The following KMT2A variants were observed in gnomAD, a reference collection of about 807,000 sequenced individuals.
The protein encoded by KMT2A is histone-lysine N-methyltransferase 2A.
Under a neutral mutation model 345.3 loss-of-function variants are expected in KMT2A, and 16 were observed. The ratio of observed to expected loss-of-function variants is 0.05; its 90% CI spans 0.03 to 0.07. The LOEUF (loss-of-function observed/expected upper bound fraction) is 0.07, where lower values mean the gene tolerates loss of function less well. Ranked by LOEUF, KMT2A falls within the 10% of genes least tolerant of loss-of-function variation. The pLI is 1.00. For synonymous variants in KMT2A, 1,599 were observed against 1,778.6 expected (o/e 0.90, Z 2.54); for missense variants, 3,272 against 4,841.6 (o/e 0.68, Z 9.62).
rs1188821663 is a variant in KMT2A, at chr11:118,524,943, C to G, written c.*2771C>G. On this transcript the variant is annotated 3_prime_UTR_variant, in exon 36 of 36. Transcript: ENST00000534358. ...ACCCACAGCTTCCTTCTCCTGCCAG[C>G]TGCAGATGGTTTGCCTTGCCTTTCC... 4.9e-6 allele frequency: 1 copy of G among 205,464 alleles called. No individual in the cohort carries two copies. Among genetic ancestry groups the G allele is most frequent in the Non-Finnish European group, 1.0e-5 (1 of 100,264 alleles). 12.7% of individuals were successfully genotyped at this position (205,464 alleles called of 1,614,324 possible).
Position 118,436,879 on chromosome 11 carries a change from G to C in KMT2A, c.367G>C (p.Gly123Arg). The change falls in exon 1 of 36, where the codon GGC (glycine) becomes CGC (arginine). Residue 123 changes from glycine to arginine, a missense_variant. Gly to Arg is a moderately radical substitution (Grantham distance 125, BLOSUM62 -2). This residue lies in a region of KMT2A where 412 missense variants were observed against 511.0 expected (regional missense o/e 0.81). Coordinates refer to ENST00000534358, the MANE Select transcript of KMT2A (RefSeq NM_001197104.2). This position sits in a 1 kb window ranked among gnomAD's most constrained non-coding sequence, Gnocchi z 6.9. ...GGCGCTGCAGGTCTCGGCCGCCATC[G>C]GCACCAACCTGCGCCGGTTCCGGGC... ...DAALQVSAAI[G>R]TNLRRFRAVF... The C allele has an allele frequency of 6.3e-7, 1 of 1,592,264 alleles. No individual in the cohort carries two copies. The highest frequency in any genetic ancestry group is 8.5e-7 in the Non-Finnish European group (1 of 1,169,794).
chr11:118,493,013 G>T lies in KMT2A; in HGVS notation c.5005-44G>T. ...TTAATAGAATTTACATGGACACCTTGGTTTTAGTGTTAGATAAAAGCAACA... is the reference window on the plus strand; with the variant it reads ...TTAATAGAATTTACATGGACACCTTTGTTTTAGTGTTAGATAAAAGCAACA... On this transcript the variant is annotated intron_variant, in intron 15 of 35. Coordinates refer to ENST00000534358, the MANE Select transcript of KMT2A (RefSeq NM_001197104.2). The surrounding 1 kb of genome is among the most constrained non-coding windows in gnomAD (Gnocchi z 5.8). The T allele has an allele frequency of 6.7e-7, 1 of 1,503,694 alleles. No homozygotes were observed. Among genetic ancestry groups the T allele is most frequent in the South Asian group, 1.2e-5 (1 of 84,366 alleles). 93.1% of individuals were successfully genotyped at this position (1,503,694 alleles called of 1,614,324 possible).
intron 1 of KMT2A, among the ~76,000 whole-genome samples, chr11:118,451,527 A>T (rs1267965248): frequency 2.6e-5 from 4 of 152,180 alleles, no homozygotes; most frequent in Non-Finnish European, 5.9e-5. Flanking sequence ...AGCTGAGACT[A>T]CAGGCACATG....
chr11:118,506,580 T>C lies in KMT2A; in HGVS notation c.10688T>C (p.Leu3563Ser), dbSNP rs782026239. ...GNGKKHKVSHLRTSSSEAHIP... is the reference protein window; with the variant it reads ...GNGKKHKVSHSRTSSSEAHIP... Reference sequence around the variant, plus strand: ...GGCAAGAAGCACAAAGTTTCCCATTTGCGGACCAGTTCTTCTGAAGCACAC... The same window carrying C: ...GGCAAGAAGCACAAAGTTTCCCATTCGCGGACCAGTTCTTCTGAAGCACAC... The change falls in exon 27 of 36, where the codon TTG becomes TCG. Residue 3563 changes from leucine to serine, a missense_variant. By Grantham distance (145) the Leu-to-Ser change is moderately radical (BLOSUM62 -2). This residue lies in a region of KMT2A where 748 missense variants were observed against 922.2 expected (regional missense o/e 0.81). Coordinates refer to ENST00000534358, the MANE Select transcript of KMT2A (RefSeq NM_001197104.2). The C allele has an allele frequency of 6.2e-7, 1 of 1,614,082 alleles. No individual in the cohort carries two copies. Among genetic ancestry groups the C allele is most frequent in the Non-Finnish European group, 8.5e-7 (1 of 1,179,956 alleles).
rs1950933748 is a variant in KMT2A, at chr11:118,520,431, T to G, written c.11429+367T>G. On this transcript the variant is annotated intron_variant, in intron 33 of 35. Coordinates refer to ENST00000534358, the MANE Select transcript of KMT2A (RefSeq NM_001197104.2). This position sits in a 1 kb window ranked among gnomAD's most constrained non-coding sequence, Gnocchi z 4.3. Reference sequence around the variant, plus strand: ...ACTTTGGAAGTCCGAGGCGGACAGATCATGAGGTCAGGAGTTCGAGACCAG... The same window carrying G: ...ACTTTGGAAGTCCGAGGCGGACAGAGCATGAGGTCAGGAGTTCGAGACCAG... 1 of 333,218 alleles carries G rather than the reference T, an allele frequency of 3.0e-6. No homozygotes were observed. The highest frequency in any genetic ancestry group is 5.5e-6 in the Non-Finnish European group (1 of 181,216). 20.6% of individuals were successfully genotyped at this position (333,218 alleles called of 1,614,324 possible).
In KMT2A at chr11:118,525,765, A is replaced by ATT; in HGVS notation, c.*3604_*3605dup. 2 of 204,262 alleles carry ATT rather than the reference A, an allele frequency of 9.8e-6. No homozygotes were observed. Among genetic ancestry groups the ATT allele is most frequent in the Non-Finnish European group, 2.0e-5 (2 of 102,138 alleles). The allele number at this position is 204,262 out of a possible 1,614,324, so 12.7% of individuals were successfully genotyped here. On this transcript the variant is annotated 3_prime_UTR_variant, in exon 36 of 36. Transcript: ENST00000534358. ...TGTTAACTTCTAAGTTCGGTTTGGG[A>ATT]TTTTTTTTTTTTAATAGAAATCAAG...
intron 2 of KMT2A, among the ~76,000 whole-genome samples, chr11:118,470,612 G>A (rs1949927205): frequency 6.6e-6 from 1 of 152,120 alleles, no homozygotes; most frequent in African/African-American, 2.4e-5. Flanking sequence ...TAATTGATGA[G>A]GAATGCATTT....
chr11:118,458,814 C>T (rs1276955342), intron 1 of KMT2A, among the ~76,000 whole-genome samples: 1 of 152,198 alleles, frequency 6.6e-6, no homozygotes, highest in Non-Finnish European at 1.5e-5. Flanking sequence ...TCTTTTTAAA[C>T]TTATCGCTGC....
At position 118,503,595 on chromosome 11, in the gene KMT2A, C is replaced by G; in HGVS notation, c.7703C>G (p.Pro2568Arg). The G allele has an allele frequency of 6.2e-7, 1 of 1,614,128 alleles. No homozygotes were observed. Among genetic ancestry groups the G allele is most frequent in the Non-Finnish European group, 8.5e-7 (1 of 1,180,026 alleles). Residue 2568 changes from proline (P) to arginine (R), a missense_variant, in exon 27 of 36, where the codon CCA (proline) becomes CGA (arginine). This residue lies in a region of KMT2A where 445 missense variants were observed against 500.9 expected (regional missense o/e 0.89). Transcript: ENST00000534358. This position sits in a 1 kb window ranked among gnomAD's most constrained non-coding sequence, Gnocchi z 5.3. ...PTEPISASENPGDGPVAQPSP... is the reference protein window; with the variant it reads ...PTEPISASENRGDGPVAQPSP... ...GAACCAATTTCAGCCTCTGAAAATC[C>G]AGGAGATGGTCCAGTGGCCCAACCA...
chr11:118,504,909 A>G lies in KMT2A; in HGVS notation c.9017A>G (p.His3006Arg). ...ATCCAAGGACACATGGATGCAGACC[A>G]CATCTCTAGCCCTCCTTGTGGTTCA... The part of the protein sequence containing the change: ...HFIQGHMDAD[H>R]ISSPPCGSVE... The change falls in exon 27 of 36, where the codon CAC becomes CGC. Residue 3006 changes from histidine (H) to arginine (R), a missense_variant. This residue lies in a region of KMT2A where 748 missense variants were observed against 922.2 expected (regional missense o/e 0.81). Transcript: ENST00000534358. This position sits in a 1 kb window ranked among gnomAD's most constrained non-coding sequence, Gnocchi z 6.4. The G allele has an allele frequency of 1.2e-6, 2 of 1,614,208 alleles. No individual in the cohort carries two copies. The highest frequency in any genetic ancestry group is 1.7e-6 in the Non-Finnish European group (2 of 1,180,040).
Position 118,491,249 on chromosome 11 carries a change from A to G in KMT2A, c.4750A>G (p.Lys1584Glu). The G allele has an allele frequency of 6.2e-7, 1 of 1,613,986 alleles. No individual in the cohort carries two copies. Among genetic ancestry groups the G allele is most frequent in the Non-Finnish European group, 8.5e-7 (1 of 1,179,858 alleles). The change falls in exon 14 of 36, where the codon AAG becomes GAG. Residue 1584 changes from lysine to glutamate, a missense_variant. Around this residue, in one of 27 missense-constraint regions of KMT2A, gnomAD observed 120 missense variants for 280.4 expected, o/e 0.43. Transcript: ENST00000534358. The surrounding 1 kb of genome is among the most constrained non-coding windows in gnomAD (Gnocchi z 4.2). ...TTATGATGATGATGACTATGAGAGTAAGATGATGCAATGTGGAAAGTGTGA... is the reference window on the plus strand; with the variant it reads ...TTATGATGATGATGACTATGAGAGTGAGATGATGCAATGTGGAAAGTGTGA... ...KCYDDDDYESKMMQCGKCDRW... is the reference protein window; with the variant it reads ...KCYDDDDYESEMMQCGKCDRW...
At position 118,491,277 on chromosome 11, in the gene KMT2A, G is replaced by T. The variant is rs782281385; in HGVS notation, c.4778G>T (p.Arg1593Leu). 1.2e-6 allele frequency: 2 copies of T among 1,613,652 alleles called. No homozygotes were observed. The highest frequency in any genetic ancestry group is 1.7e-6 in the Non-Finnish European group (2 of 1,179,754). ...ATGATGCAATGTGGAAAGTGTGATC[G>T]CTGGGTCCATTCCAAATGTGAGAAT... ...SKMMQCGKCD[R>L]WVHSKCENLS... Residue 1593 changes from arginine (R) to leucine (L), a missense_variant, in exon 14 of 36, where the codon CGC (arginine) becomes CTC (leucine). Physicochemically the swap from Arg to Leu is moderately radical, Grantham distance 102. Coordinates refer to ENST00000534358, the MANE Select transcript of KMT2A (RefSeq NM_001197104.2). This position sits in a 1 kb window ranked among gnomAD's most constrained non-coding sequence, Gnocchi z 4.2.
At position 118,484,812 on chromosome 11, in the gene KMT2A, A is replaced by G; in HGVS notation, c.4219-50A>G. 8.3e-7 allele frequency: 1 copy of G among 1,205,250 alleles called. No homozygotes were observed. Among genetic ancestry groups the G allele is most frequent in the South Asian group, 1.2e-5 (1 of 81,558 alleles). The allele number at this position is 1,205,250 out of a possible 1,614,324, so 74.7% of individuals were successfully genotyped here. A position where few individuals can be genotyped will look rare whatever the true frequency, so the allele number is the denominator to read the frequency against. On this transcript the variant is annotated intron_variant, in intron 9 of 35. Transcript: ENST00000534358. This position sits in a 1 kb window ranked among gnomAD's most constrained non-coding sequence, Gnocchi z 4.1. ...TGCTTTTCATCCTTATTTTCCATCCAAAGTTGTGTAATTGTAAAACTTTCC... is the reference window on the plus strand; with the variant it reads ...TGCTTTTCATCCTTATTTTCCATCCGAAGTTGTGTAATTGTAAAACTTTCC...
At chr11:118,437,061 CCGGG>C in intron 1 of KMT2A, 117 bp downstream of exon 1, 1 of 1,229,876 alleles carries the variant, frequency 8.1e-7, no homozygotes, top group South Asian at 1.9e-5. Context: ...GGTCCCTGAC[CCGGG>C]GCGAATGGCT....
Position 118,524,050 on chromosome 11 carries a change from G to GCAAA in KMT2A, c.*1882_*1885dup, listed in dbSNP as rs1395766790. 2 of 195,280 alleles carry GCAAA rather than the reference G, an allele frequency of 1.0e-5. No individual in the cohort carries two copies. The highest frequency in any genetic ancestry group is 2.3e-5 in the African/African-American group (1 of 43,136). The allele number at this position is 195,280 out of a possible 1,614,324, so 12.1% of individuals were successfully genotyped here. On this transcript the variant is annotated 3_prime_UTR_variant, in exon 36 of 36. Coordinates refer to ENST00000534358, the MANE Select transcript of KMT2A (RefSeq NM_001197104.2). Reference sequence around the variant, plus strand: ...CCTCATCTTTCTTACTTCAGAGTTAGCAAACAACAAGTTGAATGGCAACTT... The same window carrying GCAAA: ...CCTCATCTTTCTTACTTCAGAGTTAGCAAACAAACAACAAGTTGAATGGCAACTT...
In KMT2A at chr11:118,484,798, C is replaced by A; in HGVS notation, c.4219-64C>A. The A allele has an allele frequency of 9.3e-7, 1 of 1,073,790 alleles. No homozygotes were observed. The highest frequency in any genetic ancestry group is 1.4e-6 in the Non-Finnish European group (1 of 692,398). 66.5% of individuals were successfully genotyped at this position (1,073,790 alleles called of 1,614,324 possible). ...TCACACTAATTTTATGCTTTTCATC[C>A]TTATTTTCCATCCAAAGTTGTGTAA... On this transcript the variant is annotated intron_variant, in intron 9 of 35. Coordinates refer to ENST00000534358, the MANE Select transcript of KMT2A (RefSeq NM_001197104.2). The surrounding 1 kb of genome is among the most constrained non-coding windows in gnomAD (Gnocchi z 4.1).
At position 118,503,772 on chromosome 11, in the gene KMT2A, G is replaced by A. The variant is rs1950539307; in HGVS notation, c.7880G>A (p.Arg2627His). Residue 2627 changes from arginine to histidine, a missense_variant, in exon 27 of 36, where the codon CGT becomes CAT. By Grantham distance (29) the Arg-to-His change is conservative. Coordinates refer to ENST00000534358, the MANE Select transcript of KMT2A (RefSeq NM_001197104.2). This position sits in a 1 kb window ranked among gnomAD's most constrained non-coding sequence, Gnocchi z 5.3. ...RRYPRRSARA[R>H]SNMFFGLTPL... ...TATCCCCGTCGCAGTGCCCGTGCAC[G>A]TTCTAACATGTTTTTTGGGCTTACC... 2 of 1,614,044 alleles carry A rather than the reference G, an allele frequency of 1.2e-6. No homozygotes were observed. Among genetic ancestry groups the A allele is most frequent in the Non-Finnish European group, 8.5e-7 (1 of 1,180,042 alleles).
intron 24 of KMT2A, 127 bp downstream of exon 24, chr11:118,500,040 A>C: frequency 3.2e-6 from 2 of 624,642 alleles, no homozygotes; most frequent in Non-Finnish European, 5.7e-6. Context: ...TTAATCACTT[A>C]TTTTGCTAGT....
chr11:118,454,185 A>G (rs1348852299), intron 1 of KMT2A, among the ~76,000 whole-genome samples: 3 of 152,178 alleles, frequency 2.0e-5, no homozygotes, highest in Admixed American at 2.0e-4. Flanking sequence ...CTGGTATCAA[A>G]TCCTATTCCT....
Sources: allele counts gnomAD v4.1 joint callset (sites outside exome capture counted in the v4.1 genomes callset), GRCh38; gene constraint gnomAD v4.1.1; regional missense constraint gnomAD v4.1.1; non-coding constraint Gnocchi (gnomAD v3.1); transcripts MANE v1.5; gene names NCBI Gene and HGNC (gene_info 2026-07-23, HGNC 2026-07-21).